Variants in PHF24 observed in about 807,000 individuals in gnomAD.
PHF24 encodes the protein PHD finger protein 24, also known as Galpha inhibitory interacting protein.
PHF24 carries 25 observed loss-of-function variants against 42.6 expected under a neutral mutation model. That is an observed-to-expected ratio of 0.59 (90% CI 0.43 to 0.82). PHF24 has a LOEUF of 0.82. PHF24 is among the 40% of genes least tolerant of loss of function. PHF24 has a pLI of 0.00. For missense variants in PHF24, 470 were observed against 538.1 expected (o/e 0.87, Z 1.25); for synonymous variants, 185 against 204.8 (o/e 0.90, Z 0.83).
At position 34,976,752 on chromosome 9, in the gene PHF24, T is replaced by C. The variant is rs751226918; in HGVS notation, c.849+12T>C. The C allele has an allele frequency of 5.0e-6, 8 of 1,608,108 alleles. No individual in the cohort carries two copies. The East Asian group carries it at 1.1e-4, about 22-fold the overall frequency. ...AGTTGCGTCCCCAGGTGAGGGCCAG[T>C]TGGGGCAAATGTTCCTGGGATACTG... On this transcript the variant is annotated intron_variant, in intron 5 of 7. Transcript: ENST00000242315.
the PHF24 span, among the ~76,000 whole-genome samples, chr9:34,776,060 A>T: frequency 6.6e-6 from 1 of 152,218 alleles, no homozygotes; most frequent in Admixed American, 6.5e-5. Flanking sequence ...GGAGATAGAA[A>T]ATAGATTAGT....
the PHF24 span, among the ~76,000 whole-genome samples, chr9:34,789,022 G>A: frequency 5.3e-5 from 8 of 152,140 alleles, no homozygotes; most frequent in East Asian, 9.6e-4. Flanking sequence ...AGTAATGAGC[G>A]ATGCAGGTGA....
the PHF24 span, among the ~76,000 whole-genome samples, chr9:34,767,954 A>G: frequency 2.0e-5 from 3 of 152,346 alleles, no homozygotes; most frequent in African/African-American, 7.2e-5. Flanking sequence ...ATCTACCGAC[A>G]CTATGGAAGT....
At chr9:34,936,726 G>A in the PHF24 span, among the ~76,000 whole-genome samples, 4 of 142,712 alleles carry the variant, frequency 2.8e-5, no homozygotes, top group Non-Finnish European at 4.5e-5. Context: ...CCACCGCCCC[G>A]TCTGGGATGT....
At chr9:34,879,636 A>G in the PHF24 span, among the ~76,000 whole-genome samples, 1 of 152,240 alleles carries the variant, frequency 6.6e-6, no homozygotes, top group East Asian at 1.9e-4. Flanking sequence ...AAATGAAGCG[A>G]GAAGAGAAGT....
chr9:34,957,764 G>A (rs1826411697), upstream of PHF24: 1 of 152,296 alleles, frequency 6.6e-6, no homozygotes, highest in African/African-American at 2.4e-5. Flanking sequence ...AGGCCCTGCT[G>A]GATGAGTCAT....
the PHF24 span, among the ~76,000 whole-genome samples, chr9:34,911,106 G>A: frequency 6.6e-6 from 1 of 152,132 alleles, no homozygotes; most frequent in Non-Finnish European, 1.5e-5. Flanking sequence ...TTACAGGCAT[G>A]AGCCACCATG....
At chr9:34,734,188 T>C in the PHF24 span, among the ~76,000 whole-genome samples, 3 of 152,224 alleles carry the variant, frequency 2.0e-5, no homozygotes, top group East Asian at 3.8e-4. Flanking sequence ...GAAGGAGATG[T>C]AGCACAGGTG....
the PHF24 span, among the ~76,000 whole-genome samples, chr9:34,778,608 C>A: frequency 1.3e-5 from 2 of 152,016 alleles, no homozygotes; most frequent in Non-Finnish European, 2.9e-5. Flanking sequence ...TACAGAGTCC[C>A]AAAATACATG....
At chr9:34,846,109 A>G in the PHF24 span, among the ~76,000 whole-genome samples, 1 of 152,144 alleles carries the variant, frequency 6.6e-6, no homozygotes, top group Non-Finnish European at 1.5e-5. Context: ...ATTTGGGTAT[A>G]TACCCAGTAA....
At chr9:34,910,904 C>T in the PHF24 span, among the ~76,000 whole-genome samples, 1 of 151,932 alleles carries the variant, frequency 6.6e-6, no homozygotes, top group Non-Finnish European at 1.5e-5. Flanking sequence ...CTTACTACAG[C>T]TTCCATCTCC....
chr9:34,698,560 C>T, the PHF24 span, among the ~76,000 whole-genome samples: 11 of 152,064 alleles, frequency 7.2e-5, no homozygotes, highest in Non-Finnish European at 1.5e-4. Flanking sequence ...TGCAATCGCG[C>T]GATCTCGGCT....
chr9:34,930,032 A>G, the PHF24 span, among the ~76,000 whole-genome samples: 1 of 152,344 alleles, frequency 6.6e-6, no homozygotes, highest in South Asian at 2.1e-4. Flanking sequence ...CTGCTGTTAT[A>G]ATCATAAAGA....
the PHF24 span, among the ~76,000 whole-genome samples, chr9:34,826,950 A>G: frequency 3.9e-5 from 6 of 152,218 alleles, no homozygotes; most frequent in Non-Finnish European, 8.8e-5. Flanking sequence ...GGCTTCATCC[A>G]CCATCAGCAT....
chr9:34,716,570 T>C, the PHF24 span, among the ~76,000 whole-genome samples: 2 of 35,340 alleles, frequency 5.7e-5, no homozygotes, highest in Non-Finnish European at 5.7e-5. Context: ...TTTTGCTTTG[T>C]TTTGTTTTGT....
At chr9:34,934,668 T>G in the PHF24 span, among the ~76,000 whole-genome samples, 8 of 152,124 alleles carry the variant, frequency 5.3e-5, no homozygotes, top group Non-Finnish European at 1.2e-4. Context: ...TATACAGACC[T>G]TTCAAAATAG....
the PHF24 span, among the ~76,000 whole-genome samples, chr9:34,763,813 A>T: frequency 1.3e-5 from 2 of 152,228 alleles, no homozygotes; most frequent in Non-Finnish European, 2.9e-5. Context: ...TTGCCCATTC[A>T]GTATGATATT....
At chr9:34,672,858 G>A in the PHF24 span, among the ~76,000 whole-genome samples, 2 of 152,178 alleles carry the variant, frequency 1.3e-5, no homozygotes, top group African/African-American at 2.4e-5. Context: ...CCAGGCTGGA[G>A]TGCAGTGGCA....
chr9:34,804,963 G>A, the PHF24 span, among the ~76,000 whole-genome samples: 6 of 152,144 alleles, frequency 3.9e-5, no homozygotes, highest in Admixed American at 1.3e-4. Flanking sequence ...GAATCATATA[G>A]TATACTATCT....
Sources: gnomAD v4.1 joint callset for allele counts (sites outside exome capture counted in the v4.1 genomes callset) on GRCh38, gnomAD v4.1.1 for gene constraint, MANE v1.5 for transcripts, NCBI Gene and HGNC (gene_info 2026-07-23, HGNC 2026-07-21) for gene names.